MGAM2: variants seen among roughly 807,000 people sequenced by gnomAD.
The protein encoded by MGAM2 is probable maltase-glucoamylase 2.
A neutral mutation model predicts 96.1 loss-of-function variants in MGAM2; 98 were observed. That is an observed-to-expected ratio of 1.02 (90% CI 0.87 to 1.21). The LOEUF is 1.21. MGAM2 is among the 50% of genes most tolerant of loss of function. The probability of loss-of-function intolerance (pLI) is 0.00; values close to 1 mark genes in which losing one functional copy is unlikely to be tolerated. For synonymous variants in MGAM2, 749 were observed against 414.8 expected, an observed-to-expected ratio of 1.81 and a Z score of -9.79; for missense variants, 2,055 against 1,182.4, an observed-to-expected ratio of 1.74 and a Z score of -10.82.
At chr7:142,136,129 C>A (rs1795054359) in intron 7 of MGAM2, among the ~76,000 whole-genome samples, 1 of 152,124 alleles carries the variant, frequency 6.6e-6, no homozygotes, top group Non-Finnish European at 1.5e-5. Context: ...ATCCCTTCTG[C>A]CCTTTGAGAC....
rs543707291 is a variant in MGAM2 at position 142,217,083 on chromosome 7, T to C, written c.5188-1278T>C. Among the ~76,000 whole-genome samples the C allele has an allele frequency of 3.9e-5, 6 of 152,342 alleles. No homozygotes were observed. The South Asian group carries it at 1.2e-3, about 32-fold the overall frequency. On this transcript the variant is annotated intron_variant, in intron 46 of 47. Transcript: ENST00000477922. ...TTACATGTCCTTCCTAAGTTCTCTC[T>C]TGACCCTCTTCCTCCCATGTAATTT...
chr7:142,127,345 T>G (rs2129075937), intron 3 of MGAM2, among the ~76,000 whole-genome samples: 1 of 152,038 alleles, frequency 6.6e-6, no homozygotes, highest in Middle Eastern at 3.4e-3. Context: ...CTACTCTTTC[T>G]TTCATATTTT....
intron 45 of MGAM2, chr7:142,208,097 A>G: frequency 2.2e-6 from 1 of 445,976 alleles, no homozygotes; most frequent in East Asian, 7.0e-5. Flanking sequence ...ATAGATGATA[A>G]AATGTTAAGT....
rs923656010 is a variant in MGAM2 at position 142,137,476 on chromosome 7, T to G, written c.891T>G (p.Ile297Met). 1.4e-5 allele frequency: 10 copies of G among 702,400 alleles called. No individual in the cohort carries two copies. Among genetic ancestry groups the G allele is most frequent in the Non-Finnish European group, 2.3e-5 (9 of 384,584 alleles). The allele number at this position is 702,400 out of a possible 1,614,324, so 43.5% of individuals were successfully genotyped here. The change falls in exon 9 of 48, where the codon ATT (isoleucine) becomes ATG (methionine). Residue 297 changes from isoleucine to methionine, a missense_variant. Transcript: ENST00000477922. ...QPAPAITYRT[I>M]GGILDFYVFL... ...CTCCTGCGATCACTTATCGCACGATTGGAGGCATTCTTGACTTTTACGTAT... is the reference window on the plus strand; with the variant it reads ...CTCCTGCGATCACTTATCGCACGATGGGAGGCATTCTTGACTTTTACGTAT...
In MGAM2 at chr7:142,189,397, G is replaced by T. The variant is rs1049792309; in HGVS notation, c.4238G>T (p.Ser1413Ile). The change falls in exon 37 of 48, where the codon AGC becomes ATC. Residue 1413 changes from serine to isoleucine, a missense_variant. Coordinates refer to ENST00000477922, the MANE Select transcript of MGAM2 (RefSeq NM_001293626.2). Reference sequence around the variant, plus strand: ...GAATCTAGGGACAAGGGCCTGAGCAGCAAGACTCTGTGCATGGAGAGTCAG... The same window carrying T: ...GAATCTAGGGACAAGGGCCTGAGCATCAAGACTCTGTGCATGGAGAGTCAG... ...YLESRDKGLS[S>I]KTLCMESQQI... 6 of 718,154 alleles carry T rather than the reference G, an allele frequency of 8.4e-6. No homozygotes were observed. Among genetic ancestry groups the T allele is most frequent in the Non-Finnish European group, 1.5e-5 (6 of 389,952 alleles). 44.5% of individuals were successfully genotyped at this position (718,154 alleles called of 1,614,324 possible). A position where few individuals can be genotyped will look rare whatever the true frequency, so the allele number is the denominator to read the frequency against.
Position 142,112,555 on chromosome 7 carries a change from C to T in MGAM2, c.-1+748C>T, listed in dbSNP as rs550480560. ...TACCATAGCACTCTTAGGGTAGGTC[C>T]TTCCTACTTCTTTCTCTACCTGAAA... On this transcript the variant is annotated intron_variant, in intron 1 of 47. Coordinates refer to ENST00000477922, the MANE Select transcript of MGAM2 (RefSeq NM_001293626.2). 3.9e-5 allele frequency among the ~76,000 whole-genome samples: 6 copies of T among 152,310 alleles called. No individual in the cohort carries two copies. In the South Asian group the frequency reaches 1.2e-3, roughly 32 times the overall value.
chr7:142,168,331 G>A (rs191598639), intron 26 of MGAM2, among the ~76,000 whole-genome samples: 83 of 150,808 alleles, frequency 5.5e-4, no homozygotes, highest in Admixed American at 2.0e-3. Context: ...GTGTAGTGGT[G>A]CGATCTTGGC....
chr7:142,157,660 G>T (rs1795775726), intron 17 of MGAM2, among the ~76,000 whole-genome samples: 1 of 152,144 alleles, frequency 6.6e-6, no homozygotes, highest in Admixed American at 6.5e-5. Flanking sequence ...AAAGTGCTAG[G>T]ATTACAGGTG....
chr7:142,198,600 T>A lies in MGAM2; in HGVS notation c.4924-15T>A. 1 of 702,182 alleles carries A rather than the reference T, an allele frequency of 1.4e-6. No individual in the cohort carries two copies. The highest frequency in any genetic ancestry group is 2.6e-6 in the Non-Finnish European group (1 of 384,620). The allele number at this position is 702,182 out of a possible 1,614,324, so 43.5% of individuals were successfully genotyped here. A position where few individuals can be genotyped will look rare whatever the true frequency, so the allele number is the denominator to read the frequency against. On this transcript the variant is annotated splice_polypyrimidine_tract_variant and intron_variant, in intron 43 of 47. Coordinates refer to ENST00000477922, the MANE Select transcript of MGAM2 (RefSeq NM_001293626.2). ...TTTATCTCTCGCCATTTTTTGCCTGTATTCTCCTTTCTAGGGAACTAGCAG... is the reference window on the plus strand; with the variant it reads ...TTTATCTCTCGCCATTTTTTGCCTGAATTCTCCTTTCTAGGGAACTAGCAG...
At chr7:142,181,531 T>C (rs900001333) in intron 32 of MGAM2, among the ~76,000 whole-genome samples, 4 of 152,200 alleles carry the variant, frequency 2.6e-5, no homozygotes, top group Admixed American at 2.0e-4. Context: ...ATGGCCCCCT[T>C]CCCAAGTCCA....
chr7:142,184,047 T>C (rs1796623426), intron 33 of MGAM2, among the ~76,000 whole-genome samples: 1 of 139,482 alleles, frequency 7.2e-6, no homozygotes, highest in Non-Finnish European at 1.5e-5. Context: ...ATCTTGGCTG[T>C]CTGCAACCTC....
intron 45 of MGAM2, among the ~76,000 whole-genome samples, chr7:142,202,458 G>T (rs1005858698): frequency 3.3e-5 from 5 of 152,074 alleles, no homozygotes; most frequent in African/African-American, 9.7e-5. Context: ...TTCAACCCAT[G>T]CCCCCATTCC....
intron 22 of MGAM2, among the ~76,000 whole-genome samples, 180 bp from the exon 23 acceptor site, chr7:142,161,775 C>T (rs1795894481): frequency 6.6e-6 from 1 of 152,098 alleles, no homozygotes; most frequent in Non-Finnish European, 1.5e-5. Context: ...CACAGACTGA[C>T]ATGTGAATTT....
chr7:142,131,880 A>G, intron 5 of MGAM2, 51 bp from the exon 6 acceptor site: 1 of 671,544 alleles, frequency 1.5e-6, no homozygotes, highest in Non-Finnish European at 2.7e-6. Flanking sequence ...AGCTCTGTCT[A>G]CAAGGAAGTG....
intron 47 of MGAM2, among the ~76,000 whole-genome samples, chr7:142,219,132 C>A (rs534244463): frequency 8.4e-4 from 128 of 152,182 alleles, no homozygotes; most frequent in African/African-American, 3.0e-3. Context: ...CAATAGTTAC[C>A]AAAGGCAACC....
chr7:142,193,966 T>G (rs1411893389), intron 37 of MGAM2, among the ~76,000 whole-genome samples: 1 of 152,182 alleles, frequency 6.6e-6, no homozygotes, highest in Non-Finnish European at 1.5e-5. Flanking sequence ...ACTTCAAATC[T>G]AATACTTAAA....
intron 15 of MGAM2, among the ~76,000 whole-genome samples, chr7:142,147,966 G>C (rs1795438382): frequency 6.6e-6 from 1 of 152,034 alleles, no homozygotes; most frequent in South Asian, 2.1e-4. Context: ...ATTACTTGTT[G>C]TTTATTTGGA....
intron 1 of MGAM2, among the ~76,000 whole-genome samples, chr7:142,112,393 T>C (rs570401694): frequency 6.6e-6 from 1 of 152,294 alleles, no homozygotes; most frequent in African/African-American, 2.4e-5. Context: ...AGGTCCCTGC[T>C]GCTGATTTTT....
chr7:142,154,316 A>T (rs767083431), intron 16 of MGAM2, 127 bp downstream of exon 16: 1 of 479,222 alleles, frequency 2.1e-6, no homozygotes, highest in Non-Finnish European at 3.7e-6. Flanking sequence ...GGAAAGATCA[A>T]TTTTTATGTG....
Sources: allele counts gnomAD v4.1 joint callset (sites outside exome capture counted in the v4.1 genomes callset), GRCh38; gene constraint gnomAD v4.1.1; transcripts MANE v1.5; gene names NCBI Gene and HGNC (gene_info 2026-07-23, HGNC 2026-07-21).